Variants in FAM81A observed in about 807,000 individuals in gnomAD.
FAM81A encodes protein FAM81A.
FAM81A carries 19 observed loss-of-function variants against 46.7 expected under a neutral mutation model. The ratio of observed to expected loss-of-function variants is 0.41; its 90% CI spans 0.28 to 0.60. The LOEUF (loss-of-function observed/expected upper bound fraction) is 0.60. Ranked by LOEUF, FAM81A falls within the 20% of genes least tolerant of loss-of-function variation. The probability of loss-of-function intolerance (pLI) is 0.34; values close to 1 mark genes in which losing one functional copy is unlikely to be tolerated. For missense variants in FAM81A, 377 were observed against 453.5 expected (o/e 0.83, Z 1.53); for synonymous variants, 183 against 152.9 (o/e 1.20, Z -1.45).
At chr15:59,433,983 G>A (rs2141568016), upstream of FAM81A, among the ~76,000 whole-genome samples, 1 of 152,298 alleles carries the variant, frequency 6.6e-6, no homozygotes, top group South Asian at 2.1e-4. Context: ...AGTGTCCCGA[G>A]TAGCTGGGAT....
intron 3 of FAM81A, among the ~76,000 whole-genome samples, chr15:59,470,304 A>G (rs1191834715): frequency 1.3e-5 from 2 of 152,322 alleles, no homozygotes; most frequent in South Asian, 2.1e-4. Context: ...GTGTTTTCCA[A>G]CTTGGTTCCA....
intron 2 of FAM81A, among the ~76,000 whole-genome samples, chr15:59,402,922 T>C (rs2081078340): frequency 6.6e-6 from 1 of 152,188 alleles, no homozygotes; most frequent in African/African-American, 2.4e-5. Flanking sequence ...ATATATATAT[T>C]CTTTGTTAGG....
chr15:59,486,724 C>T (rs369452656), intron 3 of FAM81A, among the ~76,000 whole-genome samples: 45 of 152,104 alleles, frequency 3.0e-4, no homozygotes, highest in African/African-American at 9.4e-4. Flanking sequence ...TGTGGCATGA[C>T]GTCTTTAAAG....
At chr15:59,477,695 A>G (rs2081790751) in intron 3 of FAM81A, among the ~76,000 whole-genome samples, 1 of 152,234 alleles carries the variant, frequency 6.6e-6, no homozygotes, top group Non-Finnish European at 1.5e-5. Context: ...AATGTTTCAT[A>G]ATCAAGAGCT....
At chr15:59,472,559 C>CT (rs11289675) in intron 3 of FAM81A, among the ~76,000 whole-genome samples, 136 of 145,056 alleles carry the variant, frequency 9.4e-4, no homozygotes, top group African/African-American at 2.1e-3. Flanking sequence ...TTCCCCATTC[C>CT]TTTTTTTTTT....
At chr15:59,469,384 C>A (rs1418754889) in intron 3 of FAM81A, among the ~76,000 whole-genome samples, 1 of 152,152 alleles carries the variant, frequency 6.6e-6, no homozygotes, top group African/African-American at 2.4e-5. Flanking sequence ...CTTTATGAAT[C>A]TGGGTGCTCC....
At chr15:59,411,557 T>C (rs1396150510) in intron 2 of FAM81A, among the ~76,000 whole-genome samples, 2 of 152,140 alleles carry the variant, frequency 1.3e-5, no homozygotes, top group East Asian at 3.8e-4. Flanking sequence ...GACAAAAGTT[T>C]CAGAAACTTT....
intron 3 of FAM81A, among the ~76,000 whole-genome samples, chr15:59,469,997 G>GCA (rs2081664474): frequency 6.6e-6 from 1 of 152,058 alleles, no homozygotes; most frequent in Non-Finnish European, 1.5e-5. Flanking sequence ...AATTCTGGGT[G>GCA]GAAAAAATTC....
intron 3 of FAM81A, among the ~76,000 whole-genome samples, chr15:59,485,744 C>T (rs558695102): frequency 2.2e-4 from 33 of 152,224 alleles, no homozygotes; most frequent in Admixed American, 1.2e-3. Context: ...AAATAAGACA[C>T]CAGAAGTCAA....
In FAM81A at chr15:59,418,211, ATTGAGGGCACGAT is replaced by A; in HGVS notation, c.-78+15854_-78+15866del. On this transcript the variant is annotated intron_variant, in intron 2 of 4. Transcript: ENST00000558348. ...AGCATTCTCTTCACAGTGCAAGCAC[ATTGAGGGCACGAT>A]GTGAGCTGTGAGGTAGTTGTGAGGC... Among the ~76,000 whole-genome samples the A allele has an allele frequency of 1.3e-5, 2 of 152,204 alleles. 1 individual carries two copies. Among genetic ancestry groups the A allele is most frequent in the Non-Finnish European group, 2.9e-5 (2 of 68,034 alleles).
At chr15:59,416,272 C>G (rs1200635080) in intron 2 of FAM81A, among the ~76,000 whole-genome samples, 1 of 152,156 alleles carries the variant, frequency 6.6e-6, no homozygotes, top group Non-Finnish European at 1.5e-5. Flanking sequence ...TGTGTGCAAC[C>G]GGGGCTCCGT....
intron 4 of FAM81A, 102 bp from the exon 5 acceptor site, chr15:59,507,111 C>T: frequency 1.4e-6 from 2 of 1,392,092 alleles, no homozygotes; most frequent in Non-Finnish European, 1.9e-6. Context: ...ATGGATAGTG[C>T]ACTTTCTTTG....
chr15:59,455,982 T>A (rs2081478589), intron 1 of FAM81A, among the ~76,000 whole-genome samples: 2 of 152,350 alleles, frequency 1.3e-5, no homozygotes, highest in Admixed American at 1.3e-4. Flanking sequence ...TACTTCTAGG[T>A]CAGCCCTGTG....
chr15:59,443,458 C>G (rs773753483), intron 1 of FAM81A, among the ~76,000 whole-genome samples: 1 of 152,190 alleles, frequency 6.6e-6, no homozygotes, highest in Non-Finnish European at 1.5e-5. Flanking sequence ...TGTCATGCCT[C>G]TTTCATTTCC....
rs138987205 is a variant in FAM81A, at chr15:59,433,043, G to A, written c.-77-25507G>A. 3.0e-3 allele frequency among the ~76,000 whole-genome samples: 454 copies of A among 149,700 alleles called. 2 individuals carry two copies. The highest frequency in any genetic ancestry group is 0.01 in the African/African-American group (421 of 40,584). On this transcript the variant is annotated intron_variant, in intron 2 of 4. Coordinates refer to the FAM81A transcript ENST00000558348. ...TGTAGTCCCAGCTACTCGGGAGGCTGAGGCAGGAGAATGGTGTGAACTCGG... is the reference window on the plus strand; with the variant it reads ...TGTAGTCCCAGCTACTCGGGAGGCTAAGGCAGGAGAATGGTGTGAACTCGG...
chr15:59,476,501 A>C (rs1177038915), intron 3 of FAM81A, among the ~76,000 whole-genome samples: 1 of 152,234 alleles, frequency 6.6e-6, no homozygotes, highest in Non-Finnish European at 1.5e-5. Context: ...AATTGGCACC[A>C]GGCACGGTGG....
At chr15:59,503,006 C>T (rs2082111293) in intron 4 of FAM81A, among the ~76,000 whole-genome samples, 1 of 151,718 alleles carries the variant, frequency 6.6e-6, no homozygotes, top group Non-Finnish European at 1.5e-5. Flanking sequence ...TTTGGGAGGC[C>T]GAGGTGGGTG....
At chr15:59,504,304 G>A (rs2082127073) in intron 4 of FAM81A, among the ~76,000 whole-genome samples, 1 of 152,060 alleles carries the variant, frequency 6.6e-6, no homozygotes, top group South Asian at 2.1e-4. Flanking sequence ...AATAATATAT[G>A]TCAAGTATCT....
intron 3 of FAM81A, among the ~76,000 whole-genome samples, chr15:59,491,265 A>G (rs967803870): frequency 5.3e-5 from 8 of 152,224 alleles, no homozygotes; most frequent in African/African-American, 1.9e-4. Context: ...TTGCAAAAAC[A>G]TGGATAGAAC....
Sources: allele counts gnomAD v4.1 joint callset (sites outside exome capture counted in the v4.1 genomes callset), GRCh38; gene constraint gnomAD v4.1.1; transcripts MANE v1.5; gene names NCBI Gene and HGNC (gene_info 2026-07-23, HGNC 2026-07-21).